Variants in ZFAND5 observed in about 807,000 individuals in gnomAD.
ZFAND5 encodes AN1-type zinc finger protein 5.
In ZFAND5, 4 loss-of-function variants were observed where a neutral mutation model predicts 23.6. The ratio of observed to expected loss-of-function variants is 0.17; its 90% confidence interval spans 0.08 to 0.39. ZFAND5 has a LOEUF of 0.39. Ranked by LOEUF, ZFAND5 falls within the 10% of genes least tolerant of loss-of-function variation. The pLI, the probability that ZFAND5 is intolerant of heterozygous loss-of-function variation, is 1.00. For missense variants in ZFAND5, 161 were observed against 253.7 expected (o/e 0.63, Z 2.48); for synonymous variants, 68 against 80.6 (o/e 0.84, Z 0.84).
intron 3 of ZFAND5, 95 bp downstream of exon 3, chr9:72,360,533 C>G (rs898880406): frequency 2.6e-6 from 4 of 1,542,412 alleles, no homozygotes; most frequent in Non-Finnish European, 3.5e-6. Flanking sequence ...CAGGTGTTCT[C>G]TCCATGTGCT....
At chr9:72,356,172 A>G (rs1240225898) in intron 6 of ZFAND5, 71 bp from the exon 7 acceptor site, 5 of 1,544,988 alleles carry the variant, frequency 3.2e-6, no homozygotes, top group Non-Finnish European at 4.3e-6. Context: ...CTTAGTCACT[A>G]TAGAAAAGGA....
intron 2 of ZFAND5, among the ~76,000 whole-genome samples, chr9:72,361,646 C>T (rs893379720): frequency 3.3e-5 from 5 of 152,194 alleles, no homozygotes; most frequent in African/African-American, 1.2e-4. Context: ...ATATTCAATG[C>T]TGGGTTACCA....
chr9:72,364,817 G>A lies in ZFAND5; in HGVS notation c.-268C>T, dbSNP rs574049056. On this transcript the variant is annotated 5_prime_UTR_variant, in exon 1 of 7. Coordinates refer to ENST00000376962, the MANE Select transcript of ZFAND5 (RefSeq NM_001102420.3). ...GTGCCGCCGCCGCGGGCCGGGAGCG[G>A]GTCGGAGCAGCAGGCGGAGGTGGCG... The A allele has an allele frequency of 9.9e-5, 18 of 182,502 alleles. No homozygotes were observed. In the South Asian group the frequency reaches 1.9e-3, roughly 19 times the overall value. The allele number at this position is 182,502 out of a possible 1,614,324, so 11.3% of individuals were successfully genotyped here.
At chr9:72,356,711 G>A (rs1190878665) in intron 6 of ZFAND5, among the ~76,000 whole-genome samples, 2 of 152,010 alleles carry the variant, frequency 1.3e-5, no homozygotes, top group East Asian at 3.8e-4. Context: ...AATAAAATAA[G>A]AGGGCCTGAG....
chr9:72,359,973 T>G (rs1248546966), intron 4 of ZFAND5, 137 bp downstream of exon 4: 1 of 654,800 alleles, frequency 1.5e-6, no homozygotes, highest in Admixed American at 3.1e-5. Flanking sequence ...CTCAATGACT[T>G]AAGAGTCATG....
chr9:72,356,713 G>C (rs966607840), intron 6 of ZFAND5, among the ~76,000 whole-genome samples: 4 of 152,052 alleles, frequency 2.6e-5, no homozygotes, highest in African/African-American at 9.7e-5. Flanking sequence ...TAAAATAAGA[G>C]GGCCTGAGTT....
rs1841865789 is a variant in ZFAND5, at chr9:72,354,146, TCTTC to T, written c.*1803_*1806del. On this transcript the variant is annotated 3_prime_UTR_variant, in exon 7 of 7. Coordinates refer to ENST00000376962, the MANE Select transcript of ZFAND5 (RefSeq NM_001102420.3). ...TTTGTAAACTAAGTCATACCTACTT[TCTTC>T]TTCAGAATTGTCATAAAACATCATC... The T allele has an allele frequency of 6.6e-6, 1 of 151,900 alleles. No homozygotes were observed. Among genetic ancestry groups the T allele is most frequent in the Non-Finnish European group, 1.5e-5 (1 of 68,030 alleles). 9.4% of individuals were successfully genotyped at this position (151,900 alleles called of 1,614,324 possible).
rs1841865302 is a variant in ZFAND5, at chr9:72,354,137, T to C, written c.*1816A>G. The C allele has an allele frequency of 3.9e-5, 6 of 152,236 alleles. No homozygotes were observed. The allele number at this position is 152,236 out of a possible 1,614,324, so 9.4% of individuals were successfully genotyped here. On this transcript the variant is annotated 3_prime_UTR_variant, in exon 7 of 7. Transcript: ENST00000376962. ...AGAACTCTTTTTGTAAACTAAGTCA[T>C]ACCTACTTTCTTCTTCAGAATTGTC...
intron 5 of ZFAND5, 74 bp downstream of exon 5, chr9:72,359,344 G>T: frequency 6.8e-7 from 1 of 1,466,714 alleles, no homozygotes; most frequent in Non-Finnish European, 9.3e-7. Context: ...CAATGGGAAG[G>T]AAAGAATCCC....
At position 72,353,457 on chromosome 9, in the gene ZFAND5, C is replaced by T. The variant is rs1257894453; in HGVS notation, c.*2496G>A. The stretch of plus-strand genomic sequence containing the variant: ...TTGGGAGGCCGAGGCGGGCAGCTCA[C>T]CTGAGGTCAGGAGTTCAAGACCAGC... On this transcript the variant is annotated 3_prime_UTR_variant, in exon 7 of 7. Coordinates refer to ENST00000376962, the MANE Select transcript of ZFAND5 (RefSeq NM_001102420.3). 1 of 152,224 alleles carries T rather than the reference C, an allele frequency of 6.6e-6. No homozygotes were observed. Among genetic ancestry groups the T allele is most frequent in the African/African-American group, 2.4e-5 (1 of 41,442 alleles). 9.4% of individuals were successfully genotyped at this position (152,224 alleles called of 1,614,324 possible). A position where few individuals can be genotyped will look rare whatever the true frequency, so the allele number is the denominator to read the frequency against.
At chr9:72,364,292 G>GGCT (rs1429183184) in intron 1 of ZFAND5, 4 of 359,042 alleles carry the variant, frequency 1.1e-5, no homozygotes, top group East Asian at 2.0e-4. Flanking sequence ...GACCCCGAAC[G>GGCT]GCTCCTCTTA....
chr9:72,362,709 G>C (rs1028245982), intron 2 of ZFAND5, among the ~76,000 whole-genome samples: 5 of 152,132 alleles, frequency 3.3e-5, no homozygotes, highest in Admixed American at 3.3e-4. Flanking sequence ...TTCTACATGG[G>C]TTCCCATCTT....
intron 1 of ZFAND5, 108 bp downstream of exon 1, chr9:72,364,588 G>T (rs1189724414): frequency 8.1e-6 from 10 of 1,241,600 alleles, no homozygotes; most frequent in Non-Finnish European, 1.0e-5. Context: ...CGCCATCCGC[G>T]GCCTGCTCCG....
chr9:72,360,083 TAA>T (rs764923268), intron 4 of ZFAND5, 25 bp downstream of exon 4: 15 of 1,582,954 alleles, frequency 9.5e-6, no homozygotes, highest in Non-Finnish European at 1.3e-5. Flanking sequence ...TGTAATATCA[TAA>T]AAACTCTGAA....
rs1017155704 is a variant in ZFAND5, at chr9:72,364,395, C to T, written c.-147+301G>A. On this transcript the variant is annotated intron_variant, in intron 1 of 6. Coordinates refer to ENST00000376962, the MANE Select transcript of ZFAND5 (RefSeq NM_001102420.3). ...GGGTCGTGGTGCCCACGCCGGGCGCCGCCGCGGAGGCGAGCGGCCTAGAGG... is the reference window on the plus strand; with the variant it reads ...GGGTCGTGGTGCCCACGCCGGGCGCTGCCGCGGAGGCGAGCGGCCTAGAGG... The T allele has an allele frequency of 2.3e-5, 27 of 1,186,936 alleles. No individual in the cohort carries two copies. The African/African-American group carries it at 4.4e-4, about 19-fold the overall frequency. The allele number at this position is 1,186,936 out of a possible 1,614,324, so 73.5% of individuals were successfully genotyped here.
intron 1 of ZFAND5, chr9:72,363,820 G>C (rs1842174066): frequency 4.8e-6 from 1 of 207,516 alleles, no homozygotes; most frequent in Non-Finnish European, 8.4e-6. Flanking sequence ...CCAGGTTTAA[G>C]AACGGGGATG....
rs899401886 is a variant in ZFAND5, at chr9:72,354,892, G to C, written c.*1061C>G. On this transcript the variant is annotated 3_prime_UTR_variant, in exon 7 of 7. Transcript: ENST00000376962. ...AATGCAGCCCATGCAATACACCCAA[G>C]AACACTAGAGTCCTACACCCAAGTA... 3 of 152,528 alleles carry C rather than the reference G, an allele frequency of 2.0e-5. No individual in the cohort carries two copies. The highest frequency in any genetic ancestry group is 6.5e-5 in the Admixed American group (1 of 15,272). The allele number at this position is 152,528 out of a possible 1,614,324, so 9.4% of individuals were successfully genotyped here. A position where few individuals can be genotyped will look rare whatever the true frequency, so the allele number is the denominator to read the frequency against.
At position 72,364,757 on chromosome 9, in the gene ZFAND5, C is replaced by A. The variant is rs1842215963; in HGVS notation, c.-208G>T. 2.1e-6 allele frequency: 1 copy of A among 485,464 alleles called. No homozygotes were observed. 30.1% of individuals were successfully genotyped at this position (485,464 alleles called of 1,614,324 possible). On this transcript the variant is annotated 5_prime_UTR_variant, in exon 1 of 7. Transcript: ENST00000376962. ...GCGAAGCCGGCACGATGAGGCCGGG[C>A]CGAGGCCTCCGGGAAGGCTGAGCCG...
At position 72,353,662 on chromosome 9, in the gene ZFAND5, T is replaced by TAC. The variant is rs1841847435; in HGVS notation, c.*2290_*2291insGT. ...GCACTGCAGCCTGGCCAAACAAAAA[T>TAC]CTATCTCTTGCTACTACTCAGACCT... On this transcript the variant is annotated 3_prime_UTR_variant, in exon 7 of 7. Transcript: ENST00000376962. 1.4e-5 allele frequency: 1 copy of TAC among 71,252 alleles called. No individual in the cohort carries two copies. Among genetic ancestry groups the TAC allele is most frequent in the East Asian group, 5.1e-4 (1 of 1,948 alleles). The allele number at this position is 71,252 out of a possible 1,614,324, so 4.4% of individuals were successfully genotyped here. A position where few individuals can be genotyped will look rare whatever the true frequency, so the allele number is the denominator to read the frequency against.
Sources: gnomAD v4.1 joint callset for allele counts (sites outside exome capture counted in the v4.1 genomes callset) on GRCh38, gnomAD v4.1.1 for gene constraint, MANE v1.5 for transcripts, NCBI Gene and HGNC (gene_info 2026-07-23, HGNC 2026-07-21) for gene names.